The following COL4A2 variants were observed in gnomAD, a reference collection of about 807,000 sequenced individuals.
COL4A2 encodes collagen alpha-2(IV) chain.
In COL4A2, 99 loss-of-function variants were observed where a neutral mutation model predicts 200.2. That is an observed-to-expected ratio of 0.49 (90% CI 0.42 to 0.58). The LOEUF is 0.58. Among genes scored for constraint, COL4A2 ranks in the 20% least tolerant of loss-of-function variants. The pLI is 0.00. For synonymous variants in COL4A2, 897 were observed against 900.6 expected (o/e 1.00, Z 0.07); for missense variants, 1,950 against 2,314.1 (o/e 0.84, Z 3.23).
chr13:110,386,952 G>A (rs1012664989), intron 4 of COL4A2, among the ~76,000 whole-genome samples: 19 of 152,236 alleles, frequency 1.2e-4, no homozygotes, highest in South Asian at 2.1e-4. Context: ...TAAATGGAGC[G>A]ACTGAGGCCG....
At chr13:110,468,337 A>T in intron 27 of COL4A2, 1 of 471,178 alleles carries the variant, frequency 2.1e-6, no homozygotes, top group Non-Finnish European at 4.4e-6. Flanking sequence ...CCATCCATGG[A>T]TTTCAACACC....
In COL4A2 at chr13:110,433,299, G is replaced by C. The variant is rs143445212; in HGVS notation, c.684+939G>C. Among the ~76,000 whole-genome samples, 1,107 of 152,348 alleles carry C rather than the reference G, an allele frequency of 7.3e-3. 15 individuals carry two copies. Among genetic ancestry groups the C allele is most frequent in the African/African-American group, 0.024 (1,015 of 41,578 alleles). On this transcript the variant is annotated intron_variant, in intron 11 of 47. Transcript: ENST00000360467. ...AAGAGCAGCAGAAATAGGACCAGGC[G>C]GCCGGGCTGAGGAGGCAGCAGCCAA...
chr13:110,325,223 A>G (rs925668814), intron 3 of COL4A2, among the ~76,000 whole-genome samples: 2 of 152,228 alleles, frequency 1.3e-5, no homozygotes, highest in Non-Finnish European at 2.9e-5. Context: ...TTTAGAACCA[A>G]TGATCAGAAA....
intron 4 of COL4A2, among the ~76,000 whole-genome samples, chr13:110,409,896 G>A (rs557146032): frequency 2.9e-4 from 44 of 152,260 alleles, no homozygotes; most frequent in African/African-American, 1.0e-3. Flanking sequence ...GTTAACTGGA[G>A]AGACGACAGA....
intron 3 of COL4A2, among the ~76,000 whole-genome samples, chr13:110,323,043 T>TA (rs2139353360): frequency 6.6e-6 from 1 of 152,326 alleles, no homozygotes; most frequent in East Asian, 1.9e-4. Context: ...TACCAGCTGT[T>TA]ACAACCAACC....
At chr13:110,504,933 C>G (rs759829278) in intron 45 of COL4A2, among the ~76,000 whole-genome samples, 40 of 151,126 alleles carry the variant, frequency 2.6e-4, no homozygotes, top group Non-Finnish European at 4.3e-4. Flanking sequence ...ATTATTTGCA[C>G]ATATACAGAA....
intron 16 of COL4A2, among the ~76,000 whole-genome samples, chr13:110,441,820 C>T (rs576610538): frequency 2.3e-4 from 35 of 152,034 alleles, no homozygotes; most frequent in African/African-American, 8.0e-4. Flanking sequence ...TTTCCAGGTG[C>T]CTGTAATCCC....
intron 6 of COL4A2, among the ~76,000 whole-genome samples, chr13:110,425,511 G>A (rs1311567733): frequency 6.6e-6 from 1 of 152,116 alleles, no homozygotes; most frequent in Admixed American, 6.6e-5. Flanking sequence ...ACTTCTCGTG[G>A]CATAAAAAAA....
chr13:110,472,069 G>C (rs1475468790), intron 28 of COL4A2, among the ~76,000 whole-genome samples: 4 of 151,828 alleles, frequency 2.6e-5, no homozygotes, highest in African/African-American at 9.7e-5. Context: ...CAGGACAGCT[G>C]CCTTCCCTCC....
At chr13:110,455,974 A>G (rs980505646) in intron 20 of COL4A2, among the ~76,000 whole-genome samples, 2 of 152,214 alleles carry the variant, frequency 1.3e-5, no homozygotes, top group African/African-American at 4.8e-5. Flanking sequence ...AACAGTGAGG[A>G]GGACAGATAG....
intron 3 of COL4A2, among the ~76,000 whole-genome samples, chr13:110,324,199 A>G (rs1006395106): frequency 6.6e-6 from 1 of 152,122 alleles, no homozygotes; most frequent in Non-Finnish European, 1.5e-5. Context: ...TCTTCAGGGC[A>G]GGCAGAGGTT....
chr13:110,457,566 T>A, intron 21 of COL4A2, 131 bp downstream of exon 21: 1 of 712,710 alleles, frequency 1.4e-6, no homozygotes, highest in Non-Finnish European at 2.6e-6. Flanking sequence ...TCTCCCAGCC[T>A]CCTGTCCCCT....
In COL4A2 at chr13:110,378,451, G is replaced by A. The variant is rs938401676; in HGVS notation, c.180+20899G>A. 2.6e-5 allele frequency among the ~76,000 whole-genome samples: 4 copies of A among 152,174 alleles called. No homozygotes were observed. In the South Asian group the frequency reaches 6.2e-4, roughly 24 times the overall value. Reference sequence around the variant, plus strand: ...CTCCATGGTCCAGAGGTGCGCCTGCGGCCTCATGAGACAGAACCAGGCCCT... The same window carrying A: ...CTCCATGGTCCAGAGGTGCGCCTGCAGCCTCATGAGACAGAACCAGGCCCT... On this transcript the variant is annotated intron_variant, in intron 4 of 47. Transcript: ENST00000360467.
intron 4 of COL4A2, among the ~76,000 whole-genome samples, chr13:110,385,187 G>A (rs146918080): frequency 0.016 from 2,490 of 152,152 alleles, 29 homozygotes; most frequent in Non-Finnish European, 0.024. Flanking sequence ...GCGTGAATCC[G>A]GGAGGTGGAG....
chr13:110,441,128 G>A (rs1881106984), intron 16 of COL4A2, among the ~76,000 whole-genome samples: 2 of 152,196 alleles, frequency 1.3e-5, no homozygotes, highest in African/African-American at 4.8e-5. Context: ...GTCCTAGTAG[G>A]TGCACAGAGA....
chr13:110,428,945 G>A (rs745560011), intron 7 of COL4A2: 41 of 188,272 alleles, frequency 2.2e-4, no homozygotes, highest in Non-Finnish European at 3.9e-4. Context: ...TTGTGACGTG[G>A]GAGTGCAGTT....
chr13:110,474,317 T>C (rs549995770), intron 29 of COL4A2, among the ~76,000 whole-genome samples: 1 of 152,234 alleles, frequency 6.6e-6, no homozygotes, highest in East Asian at 1.9e-4. Flanking sequence ...CTAAGCGAGA[T>C]GGAGGCTAGG....
intron 27 of COL4A2, 33 bp downstream of exon 27, chr13:110,467,129 G>A (rs1882275029): frequency 6.2e-7 from 1 of 1,613,360 alleles, no homozygotes; most frequent in Non-Finnish European, 8.5e-7. Flanking sequence ...AGTGCACCCA[G>A]CCTTCCTCCC....
chr13:110,403,635 G>A (rs370119687), intron 4 of COL4A2, among the ~76,000 whole-genome samples: 33 of 151,990 alleles, frequency 2.2e-4, no homozygotes, highest in African/African-American at 7.5e-4. Context: ...ATGAGCCCTC[G>A]TCAGAATCAC....
Sources: gnomAD v4.1 joint callset for allele counts (sites outside exome capture counted in the v4.1 genomes callset) on GRCh38, gnomAD v4.1.1 for gene constraint, MANE v1.5 for transcripts, NCBI Gene and HGNC (gene_info 2026-07-23, HGNC 2026-07-21) for gene names.